Variants in SLC25A51 observed in about 807,000 individuals in gnomAD.
SLC25A51 encodes solute carrier family 25 member 51.
Under a neutral mutation model 19.1 loss-of-function variants are expected in SLC25A51, and 11 were observed. The observed-to-expected ratio is 0.58, with a 90% CI of 0.36 to 0.96. The LOEUF (loss-of-function observed/expected upper bound fraction) is 0.96. Ranked by LOEUF, SLC25A51 falls within the 40% of genes least tolerant of loss-of-function variation. The probability of loss-of-function intolerance (pLI) is 0.01; values close to 1 mark genes in which losing one functional copy is unlikely to be tolerated. For missense variants in SLC25A51, 201 were observed against 365.4 expected, an observed-to-expected ratio of 0.55 and a Z score of 3.67; for synonymous variants, 105 against 133.6, an observed-to-expected ratio of 0.79 and a Z score of 1.47.
chr9:37,889,154 G>A (rs778924778), intron 2 of SLC25A51, among the ~76,000 whole-genome samples: 1 of 152,142 alleles, frequency 6.6e-6, no homozygotes, highest in Non-Finnish European at 1.5e-5. Context: ...AGAGCCACTA[G>A]ACTAGTTCGT....
chr9:37,898,431 T>C (rs971987719), intron 2 of SLC25A51, among the ~76,000 whole-genome samples: 2 of 152,184 alleles, frequency 1.3e-5, no homozygotes, highest in Non-Finnish European at 2.9e-5. Flanking sequence ...GGCGCATGCC[T>C]GTAATCCTAG....
intron 2 of SLC25A51, among the ~76,000 whole-genome samples, chr9:37,897,538 A>C (rs73451250): frequency 0.013 from 1,929 of 152,154 alleles, 48 homozygotes; most frequent in African/African-American, 0.044. Context: ...TCACTTGCAA[A>C]AAATTTTGCC....
At chr9:37,891,769 T>C (rs1831591970) in intron 2 of SLC25A51, among the ~76,000 whole-genome samples, 1 of 151,626 alleles carries the variant, frequency 6.6e-6, no homozygotes, top group South Asian at 2.1e-4. Context: ...TTTGTTCACT[T>C]GTTTGTCTGC....
intron 2 of SLC25A51, among the ~76,000 whole-genome samples, chr9:37,881,844 C>T (rs983957613): frequency 1.3e-5 from 2 of 152,120 alleles, no homozygotes; most frequent in African/African-American, 2.4e-5. Context: ...AAAAAAGGAA[C>T]GTGCCAGTAA....
At chr9:37,903,119 G>A (rs536301124) in intron 1 of SLC25A51, among the ~76,000 whole-genome samples, 1 of 152,146 alleles carries the variant, frequency 6.6e-6, no homozygotes, top group Non-Finnish European at 1.5e-5. Flanking sequence ...ATGCGCTAAG[G>A]GTGATTCCAG....
intron 2 of SLC25A51, among the ~76,000 whole-genome samples, chr9:37,898,371 C>A (rs559037583): frequency 6.6e-6 from 1 of 152,320 alleles, no homozygotes; most frequent in East Asian, 1.9e-4. Flanking sequence ...GCCTGACCAA[C>A]ATGGAGAAAT....
At chr9:37,879,554 T>A (rs2118277956) in exon 4 of SLC25A51, 1 of 153,418 alleles carries the variant, frequency 6.5e-6, no homozygotes, top group African/African-American at 2.4e-5. Flanking sequence ...GCAGAAAAAA[T>A]AATTAGAGAA....
At chr9:37,890,165 G>C (rs1831550945) in intron 2 of SLC25A51, among the ~76,000 whole-genome samples, 1 of 152,094 alleles carries the variant, frequency 6.6e-6, no homozygotes, top group Non-Finnish European at 1.5e-5. Context: ...CAGGAGGATT[G>C]CTTGAATCAC....
downstream of SLC25A51, chr9:37,878,628 G>A (rs781771034): frequency 3.1e-4 from 48 of 155,754 alleles, no homozygotes; most frequent in Admixed American, 2.0e-4. Context: ...TTGAAATCCC[G>A]GAGAAATCCC....
Position 37,881,525 on chromosome 9 carries a change from C to T in SLC25A51, n.515G>A, listed in dbSNP as rs190391773. On this transcript the variant is annotated non_coding_transcript_exon_variant, in exon 3 of 4. Coordinates refer to the SLC25A51 transcript ENST00000496760. ...GGGCTTGGTGGCACGTACCTGTAGT[C>T]CCAGCTACTCAGGAGGCTGAGGCGG... 1,454 of 152,284 alleles carry T rather than the reference C, an allele frequency of 9.5e-3. 6 individuals are homozygous for T. The highest frequency in any genetic ancestry group is 0.014 in the Non-Finnish European group (970 of 68,088). The allele number at this position is 152,284 out of a possible 1,614,324, so 9.4% of individuals were successfully genotyped here.
chr9:37,886,271 A>C (rs1041025485), downstream of SLC25A51: 7 of 1,613,420 alleles, frequency 4.3e-6, no homozygotes, highest in African/African-American at 6.7e-5. Context: ...ATTTAACTTA[A>C]ATGAGCTATA....
intron 2 of SLC25A51, among the ~76,000 whole-genome samples, chr9:37,898,460 C>T (rs1475042134): frequency 6.6e-6 from 1 of 151,992 alleles, no homozygotes; most frequent in Non-Finnish European, 1.5e-5. Context: ...GAGGCTGAGG[C>T]AGGAGAATTG....
intron 1 of SLC25A51, among the ~76,000 whole-genome samples, chr9:37,903,292 A>C (rs1202826734): frequency 2.6e-5 from 4 of 152,192 alleles, no homozygotes; most frequent in Non-Finnish European, 5.9e-5. Context: ...AAGTAGAGAA[A>C]AACAGAAGGT....
chr9:37,881,713 A>T (rs1587151127), intron 2 of SLC25A51: 1 of 152,342 alleles, frequency 6.6e-6, no homozygotes, highest in East Asian at 1.9e-4. Flanking sequence ...TGACGAAATA[A>T]GATGGATAGA....
chr9:37,879,001 G>A, downstream of SLC25A51: 1 of 265,004 alleles, frequency 3.8e-6, no homozygotes, highest in South Asian at 4.8e-5. Flanking sequence ...GTAGAGAGTA[G>A]AGTTGCTTTT....
downstream of SLC25A51, chr9:37,886,102 T>C: frequency 1.3e-6 from 2 of 1,489,686 alleles, no homozygotes; most frequent in South Asian, 1.1e-5. Flanking sequence ...GCTATACTGA[T>C]GTTAGTACGC....
downstream of SLC25A51, chr9:37,886,325 G>T (rs1406971834): frequency 2.5e-6 from 4 of 1,613,920 alleles, no homozygotes; most frequent in East Asian, 6.7e-5. Context: ...CAATATCCCT[G>T]AGGAGCAGCC....
intron 2 of SLC25A51, among the ~76,000 whole-genome samples, chr9:37,895,850 A>G (rs914057126): frequency 4.0e-5 from 6 of 149,640 alleles, no homozygotes; most frequent in African/African-American, 1.5e-4. Flanking sequence ...GTCTCACTCT[A>G]TCATCTAGGA....
At chr9:37,885,888 C>T, downstream of SLC25A51, 2 of 1,579,674 alleles carry the variant, frequency 1.3e-6, no homozygotes, top group South Asian at 2.2e-5. Context: ...ACCCCCCCCT[C>T]CCCATATATG....
Sources: gnomAD v4.1 joint callset for allele counts (sites outside exome capture counted in the v4.1 genomes callset) on GRCh38, gnomAD v4.1.1 for gene constraint, MANE v1.5 for transcripts, NCBI Gene and HGNC (gene_info 2026-07-23, HGNC 2026-07-21) for gene names.